The following KLRG1 variants were observed in gnomAD, a reference collection of about 807,000 sequenced individuals.
KLRG1 encodes the protein killer cell lectin like receptor G1.
KLRG1 carries 16 observed loss-of-function variants against 21.8 expected under a neutral mutation model. The observed-to-expected ratio is 0.73, with a 90% CI of 0.50 to 1.11. KLRG1 has a LOEUF of 1.11. Ranked by LOEUF, KLRG1 falls within the 50% of genes most tolerant of loss-of-function variation. KLRG1 has a pLI of 0.00. For synonymous variants in KLRG1, 69 were observed against 75.9 expected (o/e 0.91, Z 0.47); for missense variants, 173 against 218.3 (o/e 0.79, Z 1.31).
the KLRG1 span, among the ~76,000 whole-genome samples, chr12:9,070,163 T>C: frequency 6.6e-6 from 1 of 152,250 alleles, no homozygotes; most frequent in Non-Finnish European, 1.5e-5. Context: ...GTAATACTTA[T>C]AGTTTATGCC....
At chr12:8,999,861 C>T (rs190749529) in intron 3 of KLRG1, among the ~76,000 whole-genome samples, 99 of 152,074 alleles carry the variant, frequency 6.5e-4, no homozygotes, top group Non-Finnish European at 1.3e-3. Context: ...ATAGTGAAAC[C>T]CCATCTATAC....
the KLRG1 span, chr12:9,197,131 A>G: frequency 6.4e-7 from 1 of 1,567,228 alleles, no homozygotes; most frequent in African/African-American, 1.4e-5. Context: ...TATCTGGTAC[A>G]TGAGAAATAA....
At chr12:9,016,375 C>T in the KLRG1 span, among the ~76,000 whole-genome samples, 5 of 152,012 alleles carry the variant, frequency 3.3e-5, no homozygotes, top group South Asian at 4.1e-4. Flanking sequence ...CTACTGCAAG[C>T]AACTATATGC....
chr12:9,104,148 C>T, the KLRG1 span: 7 of 1,327,006 alleles, frequency 5.3e-6, no homozygotes, highest in East Asian at 1.5e-4. Context: ...CTCCATAGAA[C>T]TAGACACAGT....
At chr12:9,194,222 C>T in the KLRG1 span, 1 of 1,613,758 alleles carries the variant, frequency 6.2e-7, no homozygotes, top group East Asian at 2.2e-5. Flanking sequence ...CACACCTTTT[C>T]CATCCACCAG....
chr12:9,147,028 C>T, the KLRG1 span, among the ~76,000 whole-genome samples: 1 of 152,230 alleles, frequency 6.6e-6, no homozygotes, highest in Non-Finnish European at 1.5e-5. Context: ...CACCTCCTTT[C>T]TTCCAAGGTG....
the KLRG1 span, chr12:9,037,079 A>C: frequency 5.9e-6 from 1 of 170,772 alleles, no homozygotes; most frequent in Non-Finnish European, 1.3e-5. Context: ...CTATGTTTGC[A>C]AAAGTCAACA....
At chr12:9,205,260 T>TCTCTA in the KLRG1 span, among the ~76,000 whole-genome samples, 4 of 152,182 alleles carry the variant, frequency 2.6e-5, no homozygotes, top group Non-Finnish European at 5.9e-5. Flanking sequence ...GTGTCCTTTG[T>TCTCTA]CTCTAATGCC....
chr12:9,017,280 A>G, the KLRG1 span, among the ~76,000 whole-genome samples: 2 of 150,466 alleles, frequency 1.3e-5, no homozygotes, highest in Non-Finnish European at 3.0e-5. Flanking sequence ...AAAAAAAAAA[A>G]AAAAAAAAAA....
At chr12:9,094,360 T>TATATATATATATATATAC in the KLRG1 span, among the ~76,000 whole-genome samples, 2 of 144,372 alleles carry the variant, frequency 1.4e-5, no homozygotes, top group African/African-American at 5.1e-5. Context: ...TATATATATA[T>TATATATATATATATATAC]ATATATATAT....
the KLRG1 span, chr12:9,152,786 T>C: frequency 3.1e-6 from 5 of 1,592,078 alleles, no homozygotes; most frequent in African/African-American, 6.7e-5. Context: ...CAAGTTGCTT[T>C]TGGGCCAAAG....
the KLRG1 span, among the ~76,000 whole-genome samples, chr12:9,062,751 T>C: frequency 6.7e-6 from 1 of 148,202 alleles, no homozygotes; most frequent in African/African-American, 2.5e-5. Flanking sequence ...ATTTATAATA[T>C]ATTGTTATAT....
the KLRG1 span, chr12:9,160,107 G>A: frequency 2.6e-5 from 35 of 1,345,694 alleles, no homozygotes; most frequent in East Asian, 2.5e-4. Context: ...GCATCCAGGC[G>A]CCATGGACAT....
chr12:9,210,966 A>T, the KLRG1 span, among the ~76,000 whole-genome samples: 1 of 152,198 alleles, frequency 6.6e-6, no homozygotes, highest in Non-Finnish European at 1.5e-5. Flanking sequence ...CTTTTTACAT[A>T]TACCCTTTGA....
downstream of KLRG1, among the ~76,000 whole-genome samples, chr12:9,011,920 A>T (rs1304422291): frequency 6.6e-6 from 1 of 152,200 alleles, no homozygotes; most frequent in Non-Finnish European, 1.5e-5. Context: ...CAGAGGGAGC[A>T]TTTAGACCAG....
chr12:9,184,410 A>T, the KLRG1 span, among the ~76,000 whole-genome samples: 1 of 152,192 alleles, frequency 6.6e-6, no homozygotes, highest in East Asian at 1.9e-4. Flanking sequence ...CCCCACCCCC[A>T]TGCTAACACC....
chr12:9,168,659 G>T, the KLRG1 span: 2 of 459,626 alleles, frequency 4.4e-6, no homozygotes, highest in Admixed American at 3.9e-5. Context: ...CTGATTTTGT[G>T]CCCTGAAGTA....
the KLRG1 span, chr12:9,162,527 G>T: frequency 2.0e-6 from 2 of 1,023,462 alleles, no homozygotes; most frequent in Non-Finnish European, 3.0e-6. Context: ...AAATGAATGT[G>T]CATTGTAACT....
chr12:9,030,630 A>G, the KLRG1 span, among the ~76,000 whole-genome samples: 3 of 151,628 alleles, frequency 2.0e-5, no homozygotes, highest in African/African-American at 7.3e-5. Context: ...CTGGTCTCGA[A>G]CTCCTAACCT....
Sources: gnomAD v4.1 joint callset for allele counts (sites outside exome capture counted in the v4.1 genomes callset) on GRCh38, gnomAD v4.1.1 for gene constraint, MANE v1.5 for transcripts, NCBI Gene and HGNC (gene_info 2026-07-23, HGNC 2026-07-21) for gene names.